Variants in CCNH observed in about 807,000 individuals in gnomAD.
The protein encoded by CCNH is cyclin-H.
CCNH carries 31 observed loss-of-function variants against 41.9 expected under a neutral mutation model. The observed-to-expected ratio is 0.74, with a 90% CI of 0.56 to 1.00. The LOEUF (loss-of-function observed/expected upper bound fraction) is 1.00. Ranked by LOEUF, CCNH falls within the 50% of genes least tolerant of loss-of-function variation. The pLI is 0.00. For missense variants in CCNH, 362 were observed against 388.4 expected (o/e 0.93, Z 0.57); for synonymous variants, 138 against 136.1 (o/e 1.01, Z -0.10).
chr5:87,404,874 C>T lies in CCNH; in HGVS notation c.659G>A (p.Ser220Asn). 1.2e-6 allele frequency: 2 copies of T among 1,613,266 alleles called. No homozygotes were observed. The highest frequency in any genetic ancestry group is 1.7e-6 in the Non-Finnish European group (2 of 1,179,606). Residue 220 changes from serine (S) to asparagine (N), a missense_variant, in exon 5 of 9, where the codon AGT becomes AAT. Coordinates refer to ENST00000256897, the MANE Select transcript of CCNH (RefSeq NM_001239.4). ...CATAGTAATTCCAGCCCTGGAGGCA[C>T]TAGATAAAATGGCAGTCAGGGCAAT... ...SQIALTAILS[S>N]ASRAGITMES...
chr5:87,384,456 A>G (rs1761932965), intron 9 of CCNH, among the ~76,000 whole-genome samples: 2 of 152,148 alleles, frequency 1.3e-5, no homozygotes, highest in African/African-American at 4.8e-5. Flanking sequence ...CTGAAGCTCA[A>G]AATTGTACTA....
chr5:87,372,057 G>T, downstream of CCNH: 2 of 1,440,080 alleles, frequency 1.4e-6, no homozygotes, highest in Non-Finnish European at 1.9e-6. Context: ...AAACCTAACT[G>T]ATGATTTGGA....
chr5:87,371,184 T>A (rs1001782948), intron 9 of CCNH, among the ~76,000 whole-genome samples: 3 of 152,166 alleles, frequency 2.0e-5, no homozygotes, highest in African/African-American at 4.8e-5. Context: ...GAACATTTTT[T>A]AATGTATTTA....
exon 10 of CCNH, chr5:87,318,655 C>T (rs1756529357): frequency 6.6e-6 from 1 of 152,170 alleles, no homozygotes; most frequent in Non-Finnish European, 1.5e-5. Flanking sequence ...TCCCATGATC[C>T]AATCACCTCC....
chr5:87,351,566 A>G (rs1759279294), intron 9 of CCNH, among the ~76,000 whole-genome samples: 1 of 151,704 alleles, frequency 6.6e-6, no homozygotes, highest in Admixed American at 6.6e-5. Context: ...CTAGAAACTC[A>G]CGTTTATTTC....
intron 9 of CCNH, among the ~76,000 whole-genome samples, chr5:87,339,755 T>G (rs1441649268): frequency 2.0e-5 from 3 of 152,164 alleles, no homozygotes; most frequent in East Asian, 3.8e-4. Flanking sequence ...ATGAATATAG[T>G]AACATTATAA....
At chr5:87,313,447 T>C (rs1756073348), downstream of CCNH, among the ~76,000 whole-genome samples, 1 of 152,132 alleles carries the variant, frequency 6.6e-6, no homozygotes, top group East Asian at 1.9e-4. Context: ...ATTCTCCAGT[T>C]TGGCTAGATA....
chr5:87,319,876 T>G (rs1415008794), intron 9 of CCNH, among the ~76,000 whole-genome samples: 1 of 152,260 alleles, frequency 6.6e-6, no homozygotes, highest in Non-Finnish European at 1.5e-5. Context: ...TCCAAACTTT[T>G]ATGTTCTGCT....
upstream of CCNH, among the ~76,000 whole-genome samples, chr5:87,377,736 A>G (rs1168393616): frequency 6.6e-6 from 1 of 152,118 alleles, no homozygotes; most frequent in African/African-American, 2.4e-5. Context: ...ATGGCTTACA[A>G]AATAATCCAC....
rs947225454 is a variant in CCNH at position 87,371,125 on chromosome 5, A to G, written c.*90+21645T>C. Among the ~76,000 whole-genome samples the G allele has an allele frequency of 2.6e-5, 4 of 152,248 alleles. No homozygotes were observed. The South Asian group carries it at 8.3e-4, about 32-fold the overall frequency. ...ACCATGGTCCCTCTTTCTGAATAAA[A>G]TGTCACATACCATAATGACATTTCA... is the stretch of plus-strand genomic sequence containing the variant. On this transcript the variant is annotated intron_variant and NMD_transcript_variant, in intron 9 of 9. Coordinates refer to the CCNH transcript ENST00000645953.
chr5:87,405,228 T>C (rs1459844311), intron 4 of CCNH, among the ~76,000 whole-genome samples: 1 of 152,208 alleles, frequency 6.6e-6, no homozygotes, highest in Non-Finnish European at 1.5e-5. Context: ...AGAGATTCCA[T>C]TGAGTCTAAA....
At chr5:87,377,228 A>G (rs904014938), upstream of CCNH, 4 of 714,960 alleles carry the variant, frequency 5.6e-6, no homozygotes, top group Non-Finnish European at 9.2e-6. Flanking sequence ...TGGGAAGCTG[A>G]TATTTCTAAT....
At chr5:87,349,915 C>A (rs1759133054) in intron 9 of CCNH, among the ~76,000 whole-genome samples, 1 of 151,690 alleles carries the variant, frequency 6.6e-6, no homozygotes, top group Admixed American at 6.6e-5. Context: ...TAGAAGAAAC[C>A]ATATGATAGA....
chr5:87,355,924 A>G (rs1759615183), intron 9 of CCNH, among the ~76,000 whole-genome samples: 1 of 152,304 alleles, frequency 6.6e-6, no homozygotes, highest in South Asian at 2.1e-4. Flanking sequence ...CAGGAGAACT[A>G]AATTTGGAAG....
intron 5 of CCNH, among the ~76,000 whole-genome samples, 156 bp from the exon 6 acceptor site, chr5:87,401,928 A>G (rs1323241797): frequency 6.6e-6 from 1 of 152,232 alleles, no homozygotes; most frequent in East Asian, 1.9e-4. Context: ...TTAAGGATTT[A>G]TTACCACTTA....
chr5:87,406,136 C>G (rs1763772956), intron 4 of CCNH, among the ~76,000 whole-genome samples: 1 of 152,132 alleles, frequency 6.6e-6, no homozygotes, highest in Non-Finnish European at 1.5e-5. Context: ...TATTTCCTGT[C>G]AACACCAAAT....
chr5:87,398,218 A>G (rs1763114020), intron 7 of CCNH, among the ~76,000 whole-genome samples: 1 of 152,214 alleles, frequency 6.6e-6, no homozygotes, highest in African/African-American at 2.4e-5. Flanking sequence ...ACAACCTCAT[A>G]TTCTGCACAC....
chr5:87,333,625 T>C lies in CCNH; in HGVS notation c.*91-14728A>G, dbSNP rs115553788. Among the ~76,000 whole-genome samples, 714 of 152,326 alleles carry C rather than the reference T, an allele frequency of 4.7e-3. 6 individuals are homozygous for C. Among genetic ancestry groups the C allele is most frequent in the African/African-American group, 0.016 (653 of 41,570 alleles). On this transcript the variant is annotated intron_variant and NMD_transcript_variant, in intron 9 of 9. Transcript: ENST00000645953. ...GTTCTGCTTCAATCTATATGCTATG[T>C]AAATTTTTGTTACCATGTGACATTT...
chr5:87,328,935 C>T (rs946428655), intron 9 of CCNH, among the ~76,000 whole-genome samples: 1 of 151,448 alleles, frequency 6.6e-6, no homozygotes, highest in Non-Finnish European at 1.5e-5. Context: ...ATCAAATCAA[C>T]TAAGTAAATA....
Sources: allele counts gnomAD v4.1 joint callset (sites outside exome capture counted in the v4.1 genomes callset), GRCh38; gene constraint gnomAD v4.1.1; transcripts MANE v1.5; gene names NCBI Gene and HGNC (gene_info 2026-07-23, HGNC 2026-07-21).